The following TAFA2 variants were observed in gnomAD, a reference collection of about 807,000 sequenced individuals.
TAFA2 encodes the protein chemokine-like protein TAFA-2.
A neutral mutation model predicts 18.8 loss-of-function variants in TAFA2; 7 were observed. The observed-to-expected ratio is 0.37, with a 90% CI of 0.21 to 0.70. The LOEUF (loss-of-function observed/expected upper bound fraction) is 0.70. Among genes scored for constraint, TAFA2 ranks in the 30% least tolerant of loss-of-function variants. TAFA2 has a pLI of 0.53. For missense variants in TAFA2, 122 were observed against 158.1 expected (o/e 0.77, Z 1.23); for synonymous variants, 60 against 54.2 (o/e 1.11, Z -0.47).
intron 1 of TAFA2, among the ~76,000 whole-genome samples, chr12:62,128,140 T>C (rs960809788): frequency 6.6e-6 from 1 of 152,060 alleles, no homozygotes; most frequent in African/African-American, 2.4e-5. Flanking sequence ...ATCTCAGCAG[T>C]TTGTTCAGGT....
intron 1 of TAFA2, among the ~76,000 whole-genome samples, chr12:62,127,351 A>G (rs1870505572): frequency 6.6e-6 from 1 of 151,922 alleles, no homozygotes; most frequent in Non-Finnish European, 1.5e-5. Flanking sequence ...TCCTTTCTCC[A>G]TTGGCAGGTA....
intron 2 of TAFA2, among the ~76,000 whole-genome samples, chr12:61,858,191 C>G (rs1460325856): frequency 6.6e-6 from 1 of 152,184 alleles, no homozygotes; most frequent in Non-Finnish European, 1.5e-5. Flanking sequence ...TGCTCTTCCA[C>G]CTGTAGGGGC....
intron 1 of TAFA2, among the ~76,000 whole-genome samples, chr12:61,887,929 A>G (rs1875461045): frequency 6.6e-6 from 1 of 152,170 alleles, no homozygotes; most frequent in Non-Finnish European, 1.5e-5. Flanking sequence ...GGACATGAAC[A>G]GACACTTCTC....
At chr12:61,774,468 C>T (rs1870168873) in intron 2 of TAFA2, among the ~76,000 whole-genome samples, 3 of 151,410 alleles carry the variant, frequency 2.0e-5, no homozygotes, top group African/African-American at 7.3e-5. Flanking sequence ...AATATATATA[C>T]CATGGAATAC....
chr12:61,807,270 G>A (rs182906828), intron 2 of TAFA2, among the ~76,000 whole-genome samples: 1 of 151,482 alleles, frequency 6.6e-6, no homozygotes, highest in African/African-American at 2.5e-5. Context: ...TAAAGCTCAG[G>A]CCATGGTTTC....
At chr12:61,777,800 A>G (rs1159295854) in intron 2 of TAFA2, among the ~76,000 whole-genome samples, 3 of 151,898 alleles carry the variant, frequency 2.0e-5, no homozygotes, top group African/African-American at 4.8e-5. Context: ...CTGCTACAGT[A>G]TCTGGGTTCA....
intron 2 of TAFA2, among the ~76,000 whole-genome samples, chr12:61,842,601 G>A (rs960064574): frequency 2.0e-5 from 3 of 151,742 alleles, no homozygotes; most frequent in Admixed American, 2.0e-4. Flanking sequence ...ATACTTCCTA[G>A]AAATCAAACT....
chr12:62,180,108 TA>T (rs2062542129), intron 1 of TAFA2, among the ~76,000 whole-genome samples: 1 of 152,244 alleles, frequency 6.6e-6, no homozygotes, highest in South Asian at 2.1e-4. Context: ...TGCTCCAAGG[TA>T]AAATTCACCA....
At chr12:61,775,518 G>A (rs1432285738) in intron 2 of TAFA2, among the ~76,000 whole-genome samples, 1 of 151,812 alleles carries the variant, frequency 6.6e-6, no homozygotes, top group Non-Finnish European at 1.5e-5. Context: ...TTAAATGTGT[G>A]TAACTAAGTG....
intron 1 of TAFA2, among the ~76,000 whole-genome samples, chr12:62,083,760 A>C (rs1868359792): frequency 6.6e-6 from 1 of 152,208 alleles, no homozygotes; most frequent in Admixed American, 6.5e-5. Flanking sequence ...AATAGCAGAG[A>C]AACCAGTGTA....
intron 1 of TAFA2, among the ~76,000 whole-genome samples, chr12:62,141,011 T>C (rs1191031928): frequency 3.9e-5 from 6 of 152,208 alleles, no homozygotes; most frequent in Non-Finnish European, 7.3e-5. Flanking sequence ...GCTTTACATA[T>C]GTTGTGCCTT....
At chr12:62,147,729 C>CAAAAAAAAAAAAAAAAAAAAA (rs10552283) in intron 1 of TAFA2, among the ~76,000 whole-genome samples, 1 of 76,376 alleles carries the variant, frequency 1.3e-5, no homozygotes. Flanking sequence ...GACTCTGTCT[C>CAAAAAAAAAAAAAAAAAAAAA]AAAAAAAAAA....
At chr12:62,136,665 A>T (rs2136901693) in intron 1 of TAFA2, among the ~76,000 whole-genome samples, 1 of 152,288 alleles carries the variant, frequency 6.6e-6, no homozygotes, top group South Asian at 2.1e-4. Context: ...AAGACAGAAG[A>T]TATTGACAAC....
At chr12:61,940,671 T>G (rs1280727215) in intron 1 of TAFA2, among the ~76,000 whole-genome samples, 1 of 152,168 alleles carries the variant, frequency 6.6e-6, no homozygotes, top group Non-Finnish European at 1.5e-5. Flanking sequence ...ATGGGCATCC[T>G]TTTCTCATCT....
At chr12:61,904,879 A>C (rs990409161) in intron 1 of TAFA2, among the ~76,000 whole-genome samples, 2 of 152,208 alleles carry the variant, frequency 1.3e-5, no homozygotes, top group East Asian at 3.8e-4. Context: ...TAAATGTTTC[A>C]TTGTCCTCAA....
chr12:61,993,959 G>C (rs1271721865), intron 1 of TAFA2, among the ~76,000 whole-genome samples: 1 of 152,018 alleles, frequency 6.6e-6, no homozygotes, highest in Admixed American at 6.6e-5. Context: ...ATGAAAGCTA[G>C]ACTTCTCAAT....
chr12:62,128,240 A>G (rs191678659), intron 1 of TAFA2, among the ~76,000 whole-genome samples: 1 of 152,112 alleles, frequency 6.6e-6, no homozygotes, highest in East Asian at 1.9e-4. Context: ...TAGGTTCAAG[A>G]ATTTTCATTG....
At chr12:61,879,358 C>A in intron 1 of TAFA2, 1 of 723,212 alleles carries the variant, frequency 1.4e-6, no homozygotes, top group Non-Finnish European at 2.3e-6. Flanking sequence ...AAGGTATCCA[C>A]CTCTGGCCCC....
intron 1 of TAFA2, among the ~76,000 whole-genome samples, chr12:62,069,425 A>G (rs1882570840): frequency 6.6e-6 from 1 of 152,170 alleles, no homozygotes; most frequent in South Asian, 2.1e-4. Flanking sequence ...GAGCATGCTG[A>G]ACTACAGCTT....
Sources: allele counts gnomAD v4.1 joint callset (sites outside exome capture counted in the v4.1 genomes callset), GRCh38; gene constraint gnomAD v4.1.1; transcripts MANE v1.5; gene names NCBI Gene and HGNC (gene_info 2026-07-23, HGNC 2026-07-21).